The following GRIP1 variants were observed in gnomAD, a reference collection of about 807,000 sequenced individuals.
The protein encoded by GRIP1 is glutamate receptor interacting protein 1.
A neutral mutation model predicts 129.9 loss-of-function variants in GRIP1; 45 were observed. The observed-to-expected ratio is 0.35, with a 90% CI of 0.27 to 0.44. GRIP1 has a LOEUF of 0.44. GRIP1 is among the 20% of genes least tolerant of loss of function. The pLI is 1.00. For synonymous variants in GRIP1, 530 were observed against 520.8 expected, an observed-to-expected ratio of 1.02 and a Z score of -0.24; for missense variants, 1,196 against 1,396.8, an observed-to-expected ratio of 0.86 and a Z score of 2.29.
At chr12:66,696,279 C>G (rs2035153190) in intron 1 of GRIP1, among the ~76,000 whole-genome samples, 1 of 152,124 alleles carries the variant, frequency 6.6e-6, no homozygotes, top group African/African-American at 2.4e-5. Context: ...ACAGAAAACT[C>G]TAGCTCTGCA....
chr12:66,396,546 A>G (rs1377342810), intron 16 of GRIP1, among the ~76,000 whole-genome samples: 2 of 152,188 alleles, frequency 1.3e-5, no homozygotes, highest in African/African-American at 4.8e-5. Flanking sequence ...TGGCTTTAGG[A>G]TAGTCTGTTT....
chr12:66,831,376 A>G (rs2039514655), intron 1 of GRIP1, among the ~76,000 whole-genome samples: 1 of 152,186 alleles, frequency 6.6e-6, no homozygotes, highest in African/African-American at 2.4e-5. Flanking sequence ...GAGATATCTT[A>G]CATTAGCAAC....
At chr12:66,536,555 CA>C (rs2139170441) in intron 4 of GRIP1, among the ~76,000 whole-genome samples, 1 of 152,226 alleles carries the variant, frequency 6.6e-6, no homozygotes, top group South Asian at 2.1e-4. Flanking sequence ...TCCATACAAC[CA>C]ACTCCCTCAC....
chr12:66,849,781 C>A (rs1031764283), intron 1 of GRIP1, among the ~76,000 whole-genome samples: 9 of 152,178 alleles, frequency 5.9e-5, no homozygotes, highest in African/African-American at 2.2e-4. Context: ...AGAGACCTGA[C>A]CTGAAAGAAA....
At chr12:66,429,652 T>G (rs1461758935) in intron 14 of GRIP1, among the ~76,000 whole-genome samples, 1 of 152,176 alleles carries the variant, frequency 6.6e-6, no homozygotes, top group East Asian at 1.9e-4. Context: ...GCCCTAATAG[T>G]GCCGCTGCAC....
At chr12:66,723,160 T>C (rs2036111822) in intron 1 of GRIP1, among the ~76,000 whole-genome samples, 1 of 150,658 alleles carries the variant, frequency 6.6e-6, no homozygotes, top group African/African-American at 2.4e-5. Context: ...ATCAGTTGCA[T>C]TTATACACAT....
At chr12:66,436,190 A>T (rs979710623) in intron 13 of GRIP1, among the ~76,000 whole-genome samples, 1 of 152,232 alleles carries the variant, frequency 6.6e-6, no homozygotes, top group African/African-American at 2.4e-5. Flanking sequence ...CCTTCTTTCC[A>T]AGTGGTCTGC....
At chr12:66,953,247 ACT>A (rs2041788139) in intron 1 of GRIP1, among the ~76,000 whole-genome samples, 2 of 152,206 alleles carry the variant, frequency 1.3e-5, no homozygotes, top group Non-Finnish European at 2.9e-5. Flanking sequence ...TGAGACAAAA[ACT>A]ACGATTATGC....
chr12:66,832,842 C>T (rs1278950453), intron 1 of GRIP1, among the ~76,000 whole-genome samples: 1 of 152,206 alleles, frequency 6.6e-6, no homozygotes, highest in Non-Finnish European at 1.5e-5. Context: ...AAAATACTCT[C>T]TAACAGGTGG....
intron 19 of GRIP1, among the ~76,000 whole-genome samples, chr12:66,383,532 G>T (rs1462433820): frequency 6.6e-6 from 1 of 152,136 alleles, no homozygotes; most frequent in Non-Finnish European, 1.5e-5. Flanking sequence ...CAACTGGTGA[G>T]TTTTGGAAAA....
chr12:66,797,532 C>A (rs1229086069), intron 1 of GRIP1, among the ~76,000 whole-genome samples: 1 of 152,012 alleles, frequency 6.6e-6, no homozygotes, highest in Non-Finnish European at 1.5e-5. Flanking sequence ...TTTTTTAGTC[C>A]CATTAAGAGA....
At chr12:67,025,524 CT>C (rs1371867536) in intron 1 of GRIP1, among the ~76,000 whole-genome samples, 1 of 152,152 alleles carries the variant, frequency 6.6e-6, no homozygotes, top group Non-Finnish European at 1.5e-5. Flanking sequence ...ACACTTTGGC[CT>C]TCTGTTTCCA....
intron 15 of GRIP1, among the ~76,000 whole-genome samples, chr12:66,410,401 G>A (rs1348421773): frequency 3.3e-5 from 5 of 151,412 alleles, no homozygotes; most frequent in Non-Finnish European, 7.4e-5. Flanking sequence ...GGAGGCCGAG[G>A]TGGGCAGATC....
chr12:66,999,259 T>C (rs934797339), intron 1 of GRIP1, among the ~76,000 whole-genome samples: 1 of 152,196 alleles, frequency 6.6e-6, no homozygotes, highest in Non-Finnish European at 1.5e-5. Flanking sequence ...GAGAAACATG[T>C]GATTAATATC....
At chr12:67,044,382 A>G (rs1343706253) in intron 1 of GRIP1, among the ~76,000 whole-genome samples, 3 of 152,214 alleles carry the variant, frequency 2.0e-5, no homozygotes, top group Non-Finnish European at 4.4e-5. Context: ...TGGATTTACC[A>G]GTTATTGATC....
intron 2 of GRIP1, among the ~76,000 whole-genome samples, chr12:66,584,765 G>T (rs1323873056): frequency 6.6e-6 from 1 of 151,974 alleles, no homozygotes; most frequent in Non-Finnish European, 1.5e-5. Context: ...TGCACTGCAG[G>T]GTAATACTCT....
intron 1 of GRIP1, among the ~76,000 whole-genome samples, chr12:66,800,422 C>G (rs1016476873): frequency 6.7e-6 from 1 of 149,550 alleles, no homozygotes; most frequent in Non-Finnish European, 1.5e-5. Flanking sequence ...TACCTCTATT[C>G]ATAAGAGAGA....
intron 1 of GRIP1, among the ~76,000 whole-genome samples, chr12:66,784,989 T>G (rs1324058490): frequency 2.0e-5 from 3 of 152,144 alleles, no homozygotes; most frequent in South Asian, 2.1e-4. Context: ...TACCACTACC[T>G]TCCGTGTTCT....
At chr12:66,446,662 C>T (rs1293382204) in intron 11 of GRIP1, among the ~76,000 whole-genome samples, 2 of 152,156 alleles carry the variant, frequency 1.3e-5, no homozygotes, top group African/African-American at 4.8e-5. Context: ...TCAGGACTTG[C>T]CTCTTAGTCT....
Sources: allele counts gnomAD v4.1 joint callset (sites outside exome capture counted in the v4.1 genomes callset), GRCh38; gene constraint gnomAD v4.1.1; transcripts MANE v1.5; gene names NCBI Gene and HGNC (gene_info 2026-07-23, HGNC 2026-07-21).